The following CAMTA1 variants were observed in gnomAD, a reference collection of about 807,000 sequenced individuals.
The protein encoded by CAMTA1 is calmodulin-binding transcription activator 1.
CAMTA1 carries 27 observed loss-of-function variants against 170.9 expected under a neutral mutation model. The observed-to-expected ratio is 0.16, with a 90% CI of 0.12 to 0.22. The LOEUF (loss-of-function observed/expected upper bound fraction) is 0.22, where lower values mean the gene tolerates loss of function less well. CAMTA1 is among the 10% of genes least tolerant of loss of function. The probability of loss-of-function intolerance (pLI) is 1.00; values close to 1 mark genes in which losing one functional copy is unlikely to be tolerated. For synonymous variants in CAMTA1, 833 were observed against 891.5 expected, an observed-to-expected ratio of 0.93 and a Z score of 1.17; for missense variants, 1,619 against 2,217.2, an observed-to-expected ratio of 0.73 and a Z score of 5.42.
rs1692462802 is a variant in CAMTA1 at position 6,971,160 on chromosome 1, C to T, written c.235-120144C>T. On this transcript the variant is annotated intron_variant, in intron 3 of 22. Transcript: ENST00000303635. This position sits in a 1 kb window ranked among gnomAD's most constrained non-coding sequence, Gnocchi z 4.6. ...ACAGAAGAAACCTTGAAGTAATTAA[C>T]AGAGTGAGCATGAGACGTTCCTGCT... Among the ~76,000 whole-genome samples the T allele has an allele frequency of 2.0e-5, 3 of 152,150 alleles. No homozygotes were observed. Among genetic ancestry groups the T allele is most frequent in the African/African-American group, 7.2e-5 (3 of 41,428 alleles).
chr1:7,678,690 G>A (rs2096150748), intron 11 of CAMTA1, among the ~76,000 whole-genome samples: 1 of 152,182 alleles, frequency 6.6e-6, no homozygotes, highest in African/African-American at 2.4e-5. Flanking sequence ...TATCAGGTGA[G>A]CCCACAGAGG....
Position 7,182,032 on chromosome 1 carries a change from G to C in CAMTA1, c.303-67459G>C, listed in dbSNP as rs998498670. Among the ~76,000 whole-genome samples the C allele has an allele frequency of 4.7e-5, 7 of 148,594 alleles. No homozygotes were observed. The South Asian group carries it at 1.4e-3, about 31-fold the overall frequency. Reference sequence around the variant, plus strand: ...TTCAAAATAGCAGTAGAATTGAATAGAAAGTCTTGAAATAGACCCCAAGTT... The same window carrying C: ...TTCAAAATAGCAGTAGAATTGAATACAAAGTCTTGAAATAGACCCCAAGTT... On this transcript the variant is annotated intron_variant, in intron 4 of 22. Coordinates refer to ENST00000303635, the MANE Select transcript of CAMTA1 (RefSeq NM_015215.4).
rs1673439761 is a variant in CAMTA1, at chr1:7,293,363, AGGGCTGGCATTTCTCT to A, written c.438+43740_438+43755del. 6.6e-6 allele frequency among the ~76,000 whole-genome samples: 1 copy of A among 152,048 alleles called. No homozygotes were observed. Among genetic ancestry groups the A allele is most frequent in the East Asian group, 1.9e-4 (1 of 5,180 alleles). On this transcript the variant is annotated intron_variant, in intron 5 of 22. Coordinates refer to ENST00000303635, the MANE Select transcript of CAMTA1 (RefSeq NM_015215.4). This position sits in a 1 kb window ranked among gnomAD's most constrained non-coding sequence, Gnocchi z 4.1. The stretch of plus-strand genomic sequence containing the variant: ...CCTTCCTGCACCTGGACACTGTTTC[AGGGCTGGCATTTCTCT>A]GGCACTCGGTGTGAGCAAAGCCCAT...
intron 12 of CAMTA1, among the ~76,000 whole-genome samples, chr1:7,734,541 CAAA>C (rs34500510): frequency 1.3e-4 from 20 of 148,528 alleles, no homozygotes; most frequent in East Asian, 4.0e-4. Context: ...TTGTTTAATA[CAAA>C]AAAAAAAAAA....
At chr1:7,381,337 A>G (rs987429739) in intron 5 of CAMTA1, among the ~76,000 whole-genome samples, 1 of 133,452 alleles carries the variant, frequency 7.5e-6, no homozygotes, top group African/African-American at 2.8e-5. Flanking sequence ...CCAGAGTGTG[A>G]TGTTCCCCTT....
At chr1:6,830,466 C>G (rs1649454857) in intron 3 of CAMTA1, among the ~76,000 whole-genome samples, 2 of 151,722 alleles carry the variant, frequency 1.3e-5, no homozygotes, top group Non-Finnish European at 2.9e-5. Context: ...GCCTCAGCCT[C>G]CTGTGTAGCT....
chr1:7,336,693 G>A (rs1445848133), intron 5 of CAMTA1, among the ~76,000 whole-genome samples: 1 of 152,228 alleles, frequency 6.6e-6, no homozygotes, highest in African/African-American at 2.4e-5. Flanking sequence ...CAAGGCCAGG[G>A]CGAGGAACCT....
intron 11 of CAMTA1, among the ~76,000 whole-genome samples, chr1:7,704,725 G>C (rs1447211911): frequency 5.4e-5 from 8 of 147,956 alleles, no homozygotes; most frequent in African/African-American, 1.9e-4. Context: ...CAGTGGCGGG[G>C]AGACCGCGGT....
chr1:7,747,725 G>A lies in CAMTA1; in HGVS notation c.4633G>A (p.Glu1545Lys), dbSNP rs1416325509. ...TACCCTTAAGGGCCGACCCTTGCGG[G>A]AACAGCAAGAAGTAGCTGCTGCTGT... is the stretch of plus-strand genomic sequence containing the variant. ...FRKYKGRPLR[E>K]QQEVAAAVIQ... The change falls in exon 19 of 23, where the codon GAA becomes AAA. Residue 1545 changes from glutamate to lysine, a missense_variant. Around this residue, in one of 8 missense-constraint regions of CAMTA1, gnomAD observed 128 missense variants for 213.5 expected, o/e 0.60. Coordinates refer to ENST00000303635, the MANE Select transcript of CAMTA1 (RefSeq NM_015215.4). 1 of 1,611,558 alleles carries A rather than the reference G, an allele frequency of 6.2e-7. No homozygotes were observed. Among genetic ancestry groups the A allele is most frequent in the Non-Finnish European group, 8.5e-7 (1 of 1,178,948 alleles).
At chr1:6,939,616 C>A (rs1303459454) in intron 3 of CAMTA1, among the ~76,000 whole-genome samples, 1 of 152,210 alleles carries the variant, frequency 6.6e-6, no homozygotes, top group Non-Finnish European at 1.5e-5. Context: ...AGCCTGGTCC[C>A]CTGTGGCGAG....
intron 5 of CAMTA1, among the ~76,000 whole-genome samples, chr1:7,366,252 C>T (rs1219421716): frequency 1.3e-5 from 2 of 152,222 alleles, no homozygotes; most frequent in Non-Finnish European, 2.9e-5. Context: ...GTCCCTTTGC[C>T]AATCACACCC....
chr1:7,278,758 G>A (rs1006623827), intron 5 of CAMTA1, among the ~76,000 whole-genome samples: 2 of 152,172 alleles, frequency 1.3e-5, no homozygotes, highest in African/African-American at 4.8e-5. Context: ...GGGGAATAGT[G>A]GAGAGCTGCG....
Position 6,836,800 on chromosome 1 carries a change from G to A in CAMTA1, c.234+11590G>A, listed in dbSNP as rs575935530. ...AAGTCATTTGACCTAGGCTAGAAAA[G>A]GCGGCCACCTCTAGTCTATAGTCAG... On this transcript the variant is annotated intron_variant, in intron 3 of 22. Transcript: ENST00000303635. Among the ~76,000 whole-genome samples, 25 of 152,268 alleles carry A rather than the reference G, an allele frequency of 1.6e-4. No homozygotes were observed. In the South Asian group the frequency reaches 5.0e-3, roughly 30 times the overall value.
At chr1:7,670,762 C>G in intron 9 of CAMTA1, 149 bp from the exon 10 acceptor site, 1 of 856,764 alleles carries the variant, frequency 1.2e-6, no homozygotes, top group African/African-American at 1.7e-5. Context: ...TCGGGGCTCA[C>G]TGCAATCCCT....
Position 6,887,329 on chromosome 1 carries a change from C to T in CAMTA1, c.234+62119C>T, listed in dbSNP as rs544937101. Among the ~76,000 whole-genome samples, 1 of 152,192 alleles carries T rather than the reference C, an allele frequency of 6.6e-6. No individual in the cohort carries two copies. The highest frequency in any genetic ancestry group is 2.1e-4 in the South Asian group (1 of 4,820). On this transcript the variant is annotated intron_variant, in intron 3 of 22. Transcript: ENST00000303635. The surrounding 1 kb of genome is among the most constrained non-coding windows in gnomAD (Gnocchi z 4.1). The stretch of plus-strand genomic sequence containing the variant: ...TTGATCTTTTAAAAAAGTTTTGTGG[C>T]CTCTTAAAGATAAAACCTACAACCC...
At chr1:7,255,904 A>T (rs984068580) in intron 5 of CAMTA1, among the ~76,000 whole-genome samples, 1 of 152,164 alleles carries the variant, frequency 6.6e-6, no homozygotes, top group African/African-American at 2.4e-5. Flanking sequence ...CTTTGGTTTC[A>T]GAAGTGGGGC....
chr1:7,021,699 T>C (rs1323101072), intron 3 of CAMTA1, among the ~76,000 whole-genome samples: 1 of 152,236 alleles, frequency 6.6e-6, no homozygotes, highest in Non-Finnish European at 1.5e-5. Flanking sequence ...TATGTGCAGT[T>C]CCTTGTGTGT....
intron 11 of CAMTA1, among the ~76,000 whole-genome samples, chr1:7,708,343 CAAAG>C (rs889693916): frequency 6.6e-6 from 1 of 150,502 alleles, no homozygotes; most frequent in Non-Finnish European, 1.5e-5. Context: ...CAAAACAAAA[CAAAG>C]AATAGCCAGG....
At chr1:6,938,762 G>A (rs1158081989) in intron 3 of CAMTA1, among the ~76,000 whole-genome samples, 2 of 152,130 alleles carry the variant, frequency 1.3e-5, no homozygotes, top group Admixed American at 6.5e-5. Flanking sequence ...GGCTCCCTGT[G>A]GCCCATCTGG....
Sources: gnomAD v4.1 joint callset for allele counts (sites outside exome capture counted in the v4.1 genomes callset) on GRCh38, gnomAD v4.1.1 for gene constraint, gnomAD v4.1.1 regional missense constraint, Gnocchi (gnomAD v3.1) non-coding constraint, MANE v1.5 for transcripts, NCBI Gene and HGNC (gene_info 2026-07-23, HGNC 2026-07-21) for gene names.